The following HDAC8 variants were observed in gnomAD, a reference collection of about 807,000 sequenced individuals.
HDAC8 encodes the protein histone deacetylase-like 1.
Under a neutral mutation model 32.2 loss-of-function variants are expected in HDAC8, and 1 was observed. That is an observed-to-expected ratio of 0.03 (90% CI 0.01 to 0.15). The LOEUF is 0.15. Among genes scored for constraint, HDAC8 ranks in the 10% least tolerant of loss-of-function variants. The pLI, the probability that HDAC8 is intolerant of heterozygous loss-of-function variation, is 1.00. For synonymous variants in HDAC8, 108 were observed against 113.9 expected, an observed-to-expected ratio of 0.95 and a Z score of 0.33; for missense variants, 117 against 300.0, an observed-to-expected ratio of 0.39 and a Z score of 4.51.
chrX:72,485,640 G>A (rs1556005341), intron 7 of HDAC8, among the ~76,000 whole-genome samples: 1 of 109,581 alleles, frequency 9.1e-6, no homozygotes, highest in East Asian at 2.8e-4. Flanking sequence ...AGAAAAGGAA[G>A]GAAGGAAGAA....
At chrX:72,366,147 C>T (rs2044691096) in intron 9 of HDAC8, among the ~76,000 whole-genome samples, 1 of 112,224 alleles carries the variant, frequency 8.9e-6, no homozygotes, top group Non-Finnish European at 1.9e-5. Flanking sequence ...TAACTGATTT[C>T]CCTGTCTCCC....
chrX:72,424,709 C>A (rs1472059822), intron 9 of HDAC8, among the ~76,000 whole-genome samples: 1 of 111,641 alleles, frequency 9.0e-6, no homozygotes, highest in Non-Finnish European at 1.9e-5. Flanking sequence ...TAATAAATAA[C>A]TCCCCAACCC....
At chrX:72,537,743 A>G (rs2050577524) in intron 4 of HDAC8, among the ~76,000 whole-genome samples, 2 of 112,265 alleles carry the variant, frequency 1.8e-5, no homozygotes, top group Admixed American at 1.9e-4. Context: ...TGTTATATTA[A>G]AGTACATCAG....
chrX:72,473,910 C>A, intron 7 of HDAC8: 1 of 748,234 alleles, frequency 1.3e-6, no homozygotes, highest in Non-Finnish European at 1.6e-6. Context: ...GTGGTTCCCA[C>A]CCAGGTTTCC....
intron 9 of HDAC8, among the ~76,000 whole-genome samples, chrX:72,445,935 T>C (rs1236526618): frequency 9.8e-5 from 11 of 111,920 alleles, no homozygotes; most frequent in Admixed American, 6.6e-4. Context: ...CATGAAAAAA[T>C]GCTCACCATC....
chrX:72,359,514 T>A (rs12392604), intron 9 of HDAC8, among the ~76,000 whole-genome samples: 1 of 109,848 alleles, frequency 9.1e-6, no homozygotes, highest in Non-Finnish European at 1.9e-5. Context: ...GAAGAGCAAG[T>A]GCTGTTAGTG....
intron 10 of HDAC8, among the ~76,000 whole-genome samples, chrX:72,349,151 A>G (rs2044107110): frequency 8.9e-6 from 1 of 112,526 alleles, no homozygotes; most frequent in Non-Finnish European, 1.9e-5. Context: ...TTGTGGCCAC[A>G]TAGACCCTGT....
At chrX:72,352,377 C>T (rs1555949205) in intron 9 of HDAC8, among the ~76,000 whole-genome samples, 1 of 111,724 alleles carries the variant, frequency 9.0e-6, no homozygotes, top group East Asian at 2.8e-4. Flanking sequence ...ATACACAGTA[C>T]TTGCCTGCAC....
At chrX:72,473,633 A>G in intron 7 of HDAC8, 1 of 737,169 alleles carries the variant, frequency 1.4e-6, no homozygotes, top group Non-Finnish European at 1.6e-6. Flanking sequence ...TCCAGGCACC[A>G]GAGTTTTTGC....
intron 10 of HDAC8, among the ~76,000 whole-genome samples, chrX:72,337,049 C>G (rs1481965414): frequency 8.9e-6 from 1 of 112,390 alleles, no homozygotes; most frequent in South Asian, 3.7e-4. Flanking sequence ...TGCACTCAGC[C>G]TCTTTTGCCC....
chrX:72,375,119 C>T (rs913049019), intron 9 of HDAC8, among the ~76,000 whole-genome samples: 1 of 112,219 alleles, frequency 8.9e-6, no homozygotes, highest in African/African-American at 3.2e-5. Context: ...CCACTGTGCC[C>T]AGCCTGTTGT....
At chrX:72,523,508 G>T (rs782664411) in intron 4 of HDAC8, among the ~76,000 whole-genome samples, 4 of 110,821 alleles carry the variant, frequency 3.6e-5, no homozygotes, top group African/African-American at 1.3e-4. Flanking sequence ...ACTTCTTTAT[G>T]GTTCCCTTCC....
intron 6 of HDAC8, among the ~76,000 whole-genome samples, chrX:72,489,683 T>C (rs1027449654): frequency 1.8e-5 from 2 of 110,797 alleles, no homozygotes; most frequent in Admixed American, 9.6e-5. Context: ...ATTCAGGACA[T>C]AGGCATGGGC....
chrX:72,506,705 C>CA (rs781947458), intron 4 of HDAC8, among the ~76,000 whole-genome samples: 1 of 111,237 alleles, frequency 9.0e-6, no homozygotes, highest in Non-Finnish European at 1.9e-5. Context: ...AGACTGTGGA[C>CA]AAACAACATT....
intron 4 of HDAC8, among the ~76,000 whole-genome samples, chrX:72,565,335 C>T (rs1021000799): frequency 4.0e-4 from 45 of 112,260 alleles, no homozygotes; most frequent in African/African-American, 1.4e-3. Context: ...GGCCTAAATG[C>T]CTGTAGTCCA....
At position 72,409,987 on chromosome X, in the gene HDAC8, G is replaced by A. The variant is rs782343869; in HGVS notation, c.1005+52017C>T. Among the ~76,000 whole-genome samples the A allele has an allele frequency of 7.1e-5, 8 of 112,389 alleles. No homozygotes were observed. In the South Asian group the frequency reaches 2.6e-3, roughly 37 times the overall value. ...AATGATTCAGGACAAATATCTAACTGTGCTAGTCAATTAGAAAGAACAGAA... is the reference window on the plus strand; with the variant it reads ...AATGATTCAGGACAAATATCTAACTATGCTAGTCAATTAGAAAGAACAGAA... On this transcript the variant is annotated intron_variant, in intron 9 of 10. Transcript: ENST00000373573.
At chrX:72,437,967 C>T (rs1472431989) in intron 9 of HDAC8, among the ~76,000 whole-genome samples, 2 of 112,268 alleles carry the variant, frequency 1.8e-5, no homozygotes, top group East Asian at 5.6e-4. Context: ...AGCAGTGGGT[C>T]TCCCAACACA....
intron 4 of HDAC8, among the ~76,000 whole-genome samples, chrX:72,523,811 T>C (rs1208707242): frequency 8.9e-6 from 1 of 112,170 alleles, no homozygotes; most frequent in Non-Finnish European, 1.9e-5. Flanking sequence ...GTAGGTTCTA[T>C]CACCAATCTC....
Position 72,483,476 on chromosome X carries a change from C to T in HDAC8, c.737+5457G>A, listed in dbSNP as rs782182878. ...CTGACTCCCCCTTTGCCCTCCATCA[C>T]GACTGTAAACTTCCTGAGGCCTCAC... On this transcript the variant is annotated intron_variant, in intron 7 of 10. Transcript: ENST00000373573. 1.4e-4 allele frequency among the ~76,000 whole-genome samples: 16 copies of T among 111,630 alleles called. No individual in the cohort carries two copies. The East Asian group carries it at 1.7e-3, about 12-fold the overall frequency.
Sources: allele counts gnomAD v4.1 joint callset (sites outside exome capture counted in the v4.1 genomes callset), GRCh38; gene constraint gnomAD v4.1.1; transcripts MANE v1.5; gene names NCBI Gene and HGNC (gene_info 2026-07-23, HGNC 2026-07-21).